The following NAALADL2 variants were observed in gnomAD, a reference collection of about 807,000 sequenced individuals.
NAALADL2 encodes the protein inactive N-acetylated-alpha-linked acidic dipeptidase-like protein 2.
NAALADL2 carries 76 observed loss-of-function variants against 87.2 expected under a neutral mutation model. That is an observed-to-expected ratio of 0.87 (90% CI 0.72 to 1.05). The LOEUF is 1.05. Ranked by LOEUF, NAALADL2 falls within the 50% of genes least tolerant of loss-of-function variation. The pLI is 0.00. For missense variants in NAALADL2, 1,089 were observed against 945.8 expected (o/e 1.15, Z -1.99); for synonymous variants, 354 against 331.0 (o/e 1.07, Z -0.75).
At chr3:175,158,924 A>G (rs1224750446) in intron 2 of NAALADL2, among the ~76,000 whole-genome samples, 2 of 152,142 alleles carry the variant, frequency 1.3e-5, no homozygotes, top group African/African-American at 2.4e-5. Context: ...AAAATTTACT[A>G]AACTTTCACT....
rs5854603 is a variant in NAALADL2, at chr3:174,935,166, C to CA, written c.43+75727dup. Reference sequence around the variant, plus strand: ...CATATAGATGTTGGAAAATCAACTGCAAAAAAAAAAATGTTCACTTTCATG... The same window carrying CA: ...CATATAGATGTTGGAAAATCAACTGCAAAAAAAAAAAATGTTCACTTTCATG... On this transcript the variant is annotated intron_variant, in intron 1 of 13. Coordinates refer to ENST00000454872, the MANE Select transcript of NAALADL2 (RefSeq NM_207015.3). Among the ~76,000 whole-genome samples the CA allele has an allele frequency of 6.1e-4, 90 of 147,292 alleles. No homozygotes were observed. The East Asian group carries it at 6.5e-3, about 11-fold the overall frequency.
chr3:174,951,201 G>A (rs2108511257), intron 1 of NAALADL2, among the ~76,000 whole-genome samples: 1 of 152,082 alleles, frequency 6.6e-6, no homozygotes, highest in South Asian at 2.1e-4. Flanking sequence ...ATACCTTCAT[G>A]AGTCATGTTA....
rs1367034561 is a variant in NAALADL2, at chr3:175,130,020, T to C, written c.545+32729T>C. 2.0e-5 allele frequency among the ~76,000 whole-genome samples: 3 copies of C among 152,196 alleles called. No individual in the cohort carries two copies. The East Asian group carries it at 5.8e-4, about 29-fold the overall frequency. On this transcript the variant is annotated intron_variant, in intron 2 of 13. Transcript: ENST00000454872. ...CTATCCTATCAGCTGTGAGGTGATTTCTTATTGTAGGTAGGATTTGCATTT... is the reference window on the plus strand; with the variant it reads ...CTATCCTATCAGCTGTGAGGTGATTCCTTATTGTAGGTAGGATTTGCATTT...
rs146818388 is a variant in NAALADL2 at position 175,415,006 on chromosome 3, T to TA, written c.1091-32222dup. On this transcript the variant is annotated intron_variant, in intron 5 of 13. Coordinates refer to ENST00000454872, the MANE Select transcript of NAALADL2 (RefSeq NM_207015.3). Reference sequence around the variant, plus strand: ...ACACTTTTAAGTAGAAAAATTGTCTTACGGGATTATCACTGTAAAATAAAC... The same window carrying TA: ...ACACTTTTAAGTAGAAAAATTGTCTTAACGGGATTATCACTGTAAAATAAAC... Among the ~76,000 whole-genome samples, 596 of 152,300 alleles carry TA rather than the reference T, an allele frequency of 3.9e-3. 4 individuals carry two copies. Among genetic ancestry groups the TA allele is most frequent in the African/African-American group, 0.012 (504 of 41,564 alleles).
chr3:175,498,270 G>T (rs1251964005), intron 9 of NAALADL2, among the ~76,000 whole-genome samples: 1 of 152,072 alleles, frequency 6.6e-6, no homozygotes, highest in Non-Finnish European at 1.5e-5. Flanking sequence ...GGTCAGAGTA[G>T]AATGTTAATT....
At chr3:174,564,430 G>C (rs754214522) in intron 2 of NAALADL2, among the ~76,000 whole-genome samples, 6 of 152,114 alleles carry the variant, frequency 3.9e-5, no homozygotes, top group African/African-American at 1.4e-4. Flanking sequence ...CCTAGTGGGC[G>C]TGGAAACCCG....
intron 11 of NAALADL2, chr3:175,718,719 A>C: frequency 1.5e-6 from 2 of 1,339,106 alleles, no homozygotes; most frequent in Non-Finnish European, 2.1e-6. Context: ...TGAGGCGTGG[A>C]GATCAAGACC....
At chr3:175,585,668 G>T (rs955201752) in intron 10 of NAALADL2, among the ~76,000 whole-genome samples, 1 of 151,720 alleles carries the variant, frequency 6.6e-6, no homozygotes, top group African/African-American at 2.4e-5. Flanking sequence ...ATGAATTAAG[G>T]GCATTATAGG....
chr3:174,443,790 G>C (rs1714845112), intron 1 of NAALADL2, among the ~76,000 whole-genome samples: 4 of 144,782 alleles, frequency 2.8e-5, no homozygotes, highest in Non-Finnish European at 6.4e-5. Flanking sequence ...AAAAGGGAAA[G>C]CAGGAGAATA....
chr3:174,661,437 C>G (rs932626020), intron 2 of NAALADL2, among the ~76,000 whole-genome samples: 1 of 152,106 alleles, frequency 6.6e-6, no homozygotes, highest in Non-Finnish European at 1.5e-5. Context: ...ATAAAACATT[C>G]TTTAATAACT....
At chr3:174,522,996 G>C (rs7610968) in intron 1 of NAALADL2, among the ~76,000 whole-genome samples, 39,217 of 149,258 alleles carry the variant, frequency 0.26, 5,361 homozygotes, top group African/African-American at 0.32. Flanking sequence ...CTCTAGAGAT[G>C]TCTTGCACCT....
chr3:175,206,760 G>A (rs112999029), intron 2 of NAALADL2, among the ~76,000 whole-genome samples: 1 of 152,098 alleles, frequency 6.6e-6, no homozygotes, highest in Non-Finnish European at 1.5e-5. Flanking sequence ...GCTAGAAGTC[G>A]TTGGCAGCAC....
chr3:174,812,189 A>G (rs1720290234), intron 3 of NAALADL2, among the ~76,000 whole-genome samples: 1 of 152,098 alleles, frequency 6.6e-6, no homozygotes, highest in Non-Finnish European at 1.5e-5. Flanking sequence ...CAAATTGCTT[A>G]TTGTTCTGAA....
rs1478811821 is a variant in NAALADL2, at chr3:175,687,334, A to G, written c.1897-49972A>G. Among the ~76,000 whole-genome samples, 8 of 152,222 alleles carry G rather than the reference A, an allele frequency of 5.3e-5. No homozygotes were observed. In the East Asian group the frequency reaches 1.2e-3, roughly 22 times the overall value. Reference sequence around the variant, plus strand: ...TTCCAAAAGTATTTTGAACAATACCAGTATTTTCAATGTAAGTATTATGCC... The same window carrying G: ...TTCCAAAAGTATTTTGAACAATACCGGTATTTTCAATGTAAGTATTATGCC... On this transcript the variant is annotated intron_variant, in intron 11 of 13. Coordinates refer to ENST00000454872, the MANE Select transcript of NAALADL2 (RefSeq NM_207015.3).
chr3:174,996,598 A>G lies in NAALADL2; in HGVS notation c.44-100192A>G, dbSNP rs1172734422. Among the ~76,000 whole-genome samples, 3 of 152,060 alleles carry G rather than the reference A, an allele frequency of 2.0e-5. No homozygotes were observed. The East Asian group carries it at 5.8e-4, about 29-fold the overall frequency. Reference sequence around the variant, plus strand: ...CTCCTACTTCTTGAGTTGTATGCCTACCAAATACCCACCTTATTGAAAACC... The same window carrying G: ...CTCCTACTTCTTGAGTTGTATGCCTGCCAAATACCCACCTTATTGAAAACC... On this transcript the variant is annotated intron_variant, in intron 1 of 13. Transcript: ENST00000454872.
chr3:175,067,076 A>G lies in NAALADL2; in HGVS notation c.44-29714A>G, dbSNP rs559622194. On this transcript the variant is annotated intron_variant, in intron 1 of 13. Transcript: ENST00000454872. ...TTTTGATCAAGATAGAAATATGCTG[A>G]GTTTTCTTACCTTGTAAAATGCTCT... 3.3e-5 allele frequency among the ~76,000 whole-genome samples: 5 copies of G among 152,254 alleles called. 1 individual carries two copies. The highest frequency in any genetic ancestry group is 1.9e-4 in the East Asian group (1 of 5,176).
chr3:174,492,667 C>T (rs1718277611), intron 1 of NAALADL2, among the ~76,000 whole-genome samples: 1 of 152,244 alleles, frequency 6.6e-6, no homozygotes, highest in Admixed American at 6.5e-5. Flanking sequence ...TAAACATTTC[C>T]AAATGCAACA....
At position 175,803,304 on chromosome 3, in the gene NAALADL2, C is replaced by A; in HGVS notation, c.*101C>A. ...ATTGAAGGCTTATTTTCCCCAATGG[C>A]TTTTTGACAAGTATAAAGCTATTAT... On this transcript the variant is annotated 3_prime_UTR_variant, in exon 14 of 14. Coordinates refer to ENST00000454872, the MANE Select transcript of NAALADL2 (RefSeq NM_207015.3). The A allele has an allele frequency of 2.8e-6, 2 of 708,388 alleles. No homozygotes were observed. Among genetic ancestry groups the A allele is most frequent in the South Asian group, 4.4e-5 (2 of 45,868 alleles). 43.9% of individuals were successfully genotyped at this position (708,388 alleles called of 1,614,324 possible).
At chr3:175,697,917 A>T (rs13080500) in intron 11 of NAALADL2, among the ~76,000 whole-genome samples, 3 of 39,112 alleles carry the variant, frequency 7.7e-5, no homozygotes, top group Non-Finnish European at 1.2e-4. Context: ...ATATGTGTAT[A>T]TATGTATGTA....
Sources: allele counts gnomAD v4.1 joint callset (sites outside exome capture counted in the v4.1 genomes callset), GRCh38; gene constraint gnomAD v4.1.1; transcripts MANE v1.5; gene names NCBI Gene and HGNC (gene_info 2026-07-23, HGNC 2026-07-21).